The following DNAJC5B variants were observed in gnomAD, a reference collection of about 807,000 sequenced individuals.
The protein encoded by DNAJC5B is dnaJ homolog subfamily C member 5B.
In DNAJC5B, 23 loss-of-function variants were observed where a neutral mutation model predicts 24.7. The ratio of observed to expected loss-of-function variants is 0.93; its 90% CI spans 0.67 to 1.32. The LOEUF (loss-of-function observed/expected upper bound fraction) is 1.32, where lower values mean the gene tolerates loss of function less well. Ranked by LOEUF, DNAJC5B falls within the 40% of genes most tolerant of loss-of-function variation. The pLI, the probability that DNAJC5B is intolerant of heterozygous loss-of-function variation, is 0.00. For missense variants in DNAJC5B, 238 were observed against 240.8 expected (o/e 0.99, Z 0.08); for synonymous variants, 101 against 90.1 (o/e 1.12, Z -0.68).
chr8:66,070,480 T>A (rs543351087), intron 3 of DNAJC5B, among the ~76,000 whole-genome samples: 3 of 152,020 alleles, frequency 2.0e-5, no homozygotes, highest in Non-Finnish European at 4.4e-5. Flanking sequence ...ATAAAATACC[T>A]AGGAATCCAA....
chr8:66,074,986 A>G (rs1348523466), intron 3 of DNAJC5B, among the ~76,000 whole-genome samples: 1 of 152,232 alleles, frequency 6.6e-6, no homozygotes, highest in Non-Finnish European at 1.5e-5. Flanking sequence ...ACAGAGATCC[A>G]AGCTGTTTAA....
At chr8:66,083,765 C>T (rs147039009) in intron 5 of DNAJC5B, among the ~76,000 whole-genome samples, 5 of 152,298 alleles carry the variant, frequency 3.3e-5, no homozygotes, top group East Asian at 3.9e-4. Context: ...ACCACAAAAA[C>T]GTATCCCACT....
chr8:66,072,412 A>G (rs531880744), intron 3 of DNAJC5B, among the ~76,000 whole-genome samples: 21 of 152,284 alleles, frequency 1.4e-4, no homozygotes, highest in African/African-American at 4.8e-4. Flanking sequence ...AACAAACAAA[A>G]TCAAAAACTA....
At chr8:66,051,002 T>C (rs1242162558) in intron 2 of DNAJC5B, among the ~76,000 whole-genome samples, 1 of 152,214 alleles carries the variant, frequency 6.6e-6, no homozygotes, top group African/African-American at 2.4e-5. Flanking sequence ...GATTTTCACA[T>C]ACATATATAA....
At chr8:66,045,889 G>A (rs151305438) in intron 2 of DNAJC5B, among the ~76,000 whole-genome samples, 2 of 152,290 alleles carry the variant, frequency 1.3e-5, no homozygotes, top group Admixed American at 6.5e-5. Flanking sequence ...GAATGCTAAC[G>A]TTAGGCTGCT....
chr8:66,098,090 G>A (rs1448532031), intron 5 of DNAJC5B, among the ~76,000 whole-genome samples: 1 of 152,170 alleles, frequency 6.6e-6, no homozygotes, highest in Non-Finnish European at 1.5e-5. Flanking sequence ...CTGACCTCAG[G>A]TGATCTGCCT....
intron 3 of DNAJC5B, among the ~76,000 whole-genome samples, chr8:66,054,815 G>C (rs1806928427): frequency 6.6e-6 from 1 of 152,290 alleles, no homozygotes; most frequent in Admixed American, 6.5e-5. Flanking sequence ...CACACCTGTT[G>C]GTGGACGTCC....
At chr8:66,065,727 G>A (rs1384119152) in intron 3 of DNAJC5B, among the ~76,000 whole-genome samples, 1 of 152,182 alleles carries the variant, frequency 6.6e-6, no homozygotes, top group Non-Finnish European at 1.5e-5. Flanking sequence ...GTTGGTGCTT[G>A]GGTGCTTCGA....
chr8:66,050,768 A>G (rs1303669065), intron 2 of DNAJC5B, among the ~76,000 whole-genome samples: 1 of 152,232 alleles, frequency 6.6e-6, no homozygotes, highest in Admixed American at 6.5e-5. Context: ...GATGGCCTAG[A>G]TGGCCTCTAA....
chr8:66,062,490 C>T (rs1470140821), intron 3 of DNAJC5B, among the ~76,000 whole-genome samples: 1 of 152,186 alleles, frequency 6.6e-6, no homozygotes. Flanking sequence ...GTAACATAAA[C>T]ATTGGTTTTT....
chr8:66,021,217 G>T (rs1196447638), upstream of DNAJC5B, among the ~76,000 whole-genome samples: 5 of 151,930 alleles, frequency 3.3e-5, no homozygotes. Context: ...CACCACGTGG[G>T]GCCTCAGTTT....
At chr8:66,088,215 C>G (rs1175080570) in intron 5 of DNAJC5B, among the ~76,000 whole-genome samples, 1 of 152,230 alleles carries the variant, frequency 6.6e-6, no homozygotes, top group African/African-American at 2.4e-5. Flanking sequence ...GAAGCAATAG[C>G]CTTAGCTGTA....
intron 3 of DNAJC5B, among the ~76,000 whole-genome samples, chr8:66,071,505 C>G (rs893405056): frequency 3.6e-4 from 54 of 152,092 alleles, no homozygotes; most frequent in African/African-American, 1.1e-3. Context: ...AATGAGATAC[C>G]ATCTCATGCC....
At chr8:66,073,485 A>T (rs941481472) in intron 3 of DNAJC5B, among the ~76,000 whole-genome samples, 1 of 149,436 alleles carries the variant, frequency 6.7e-6, no homozygotes, top group Non-Finnish European at 1.5e-5. Flanking sequence ...GCATGTGTTC[A>T]TGTGTGTGTG....
At chr8:66,038,626 T>C (rs1186618078) in intron 1 of DNAJC5B, among the ~76,000 whole-genome samples, 1 of 152,180 alleles carries the variant, frequency 6.6e-6, no homozygotes, top group East Asian at 1.9e-4. Context: ...AAACATTCAC[T>C]AAAAAGGACT....
intron 3 of DNAJC5B, among the ~76,000 whole-genome samples, chr8:66,072,198 T>TA (rs1807366660): frequency 6.6e-6 from 1 of 152,086 alleles, no homozygotes. Flanking sequence ...TAAAGTATAA[T>TA]AAAAAATTGA....
At chr8:66,062,044 C>CAGT (rs1186851404) in intron 3 of DNAJC5B, among the ~76,000 whole-genome samples, 1 of 152,244 alleles carries the variant, frequency 6.6e-6, no homozygotes, top group Non-Finnish European at 1.5e-5. Flanking sequence ...GCCTCACAGA[C>CAGT]AGTAGTTCCC....
At chr8:66,034,088 C>G (rs771185922) in intron 1 of DNAJC5B, among the ~76,000 whole-genome samples, 18 of 152,140 alleles carry the variant, frequency 1.2e-4, no homozygotes, top group Non-Finnish European at 7.3e-5. Flanking sequence ...AACACTTGCC[C>G]TGCCTACCTG....
chr8:66,048,382 A>G (rs1806771157), intron 2 of DNAJC5B, among the ~76,000 whole-genome samples: 2 of 152,142 alleles, frequency 1.3e-5, no homozygotes, highest in Admixed American at 6.5e-5. Flanking sequence ...TTCGTAGGAA[A>G]ATGTTGGCCC....
Sources: gnomAD v4.1 joint callset for allele counts (sites outside exome capture counted in the v4.1 genomes callset) on GRCh38, gnomAD v4.1.1 for gene constraint, MANE v1.5 for transcripts, NCBI Gene and HGNC (gene_info 2026-07-23, HGNC 2026-07-21) for gene names.